KLRG1: variants seen among roughly 807,000 people sequenced by gnomAD.
KLRG1 encodes the protein killer cell lectin like receptor G1.
In KLRG1, 16 loss-of-function variants were observed where a neutral mutation model predicts 21.8. The observed-to-expected ratio is 0.73, with a 90% CI of 0.50 to 1.11. The LOEUF is 1.11. KLRG1 is among the 50% of genes most tolerant of loss of function. KLRG1 has a pLI of 0.00. For missense variants in KLRG1, 173 were observed against 218.3 expected (o/e 0.79, Z 1.31); for synonymous variants, 69 against 75.9 (o/e 0.91, Z 0.47).
the KLRG1 span, chr12:9,167,023 T>C: frequency 6.6e-6 from 1 of 152,226 alleles, no homozygotes; most frequent in Non-Finnish European, 1.5e-5. Flanking sequence ...AACAGTTTTC[T>C]CCACTGAAGA....
chr12:9,003,854 T>G (rs1367196104), intron 3 of KLRG1, among the ~76,000 whole-genome samples: 1 of 142,650 alleles, frequency 7.0e-6, no homozygotes, highest in Non-Finnish European at 1.5e-5. Context: ...CCCTCCCCCC[T>G]TCCCCCACCC....
chr12:9,060,270 C>T, the KLRG1 span, among the ~76,000 whole-genome samples: 1 of 151,582 alleles, frequency 6.6e-6, no homozygotes, highest in Non-Finnish European at 1.5e-5. Context: ...GATCTGCCCA[C>T]CTTGGCCTCC....
chr12:9,031,499 C>T, the KLRG1 span, among the ~76,000 whole-genome samples: 1 of 152,124 alleles, frequency 6.6e-6, no homozygotes, highest in African/African-American at 2.4e-5. Flanking sequence ...TGGTTTCGGG[C>T]AACTCTTTCA....
intron 1 of KLRG1, among the ~76,000 whole-genome samples, chr12:8,959,159 C>G (rs1946343149): frequency 6.6e-6 from 1 of 152,132 alleles, no homozygotes; most frequent in Non-Finnish European, 1.5e-5. Context: ...GGGGCTTGAA[C>G]TTTGCTGAAG....
At chr12:8,995,344 T>G in intron 3 of KLRG1, 56 bp downstream of exon 3, 1 of 1,453,884 alleles carries the variant, frequency 6.9e-7, no homozygotes, top group Non-Finnish European at 9.4e-7. Flanking sequence ...GTTTTTGTTT[T>G]TAAACTGCTA....
chr12:9,038,628 A>G, the KLRG1 span, among the ~76,000 whole-genome samples: 2 of 152,224 alleles, frequency 1.3e-5, no homozygotes, highest in Admixed American at 6.5e-5. Context: ...TCATGGCCAG[A>G]GAACAATAGT....
chr12:9,128,905 G>A, the KLRG1 span, among the ~76,000 whole-genome samples: 1 of 152,138 alleles, frequency 6.6e-6, no homozygotes, highest in Admixed American at 6.5e-5. Context: ...TGTGAAATCT[G>A]TTCTCTTTGC....
At chr12:9,149,567 T>C in the KLRG1 span, 1 of 1,613,114 alleles carries the variant, frequency 6.2e-7, no homozygotes, top group Non-Finnish European at 8.5e-7. Context: ...TTACCTGTGC[T>C]GCAGGGGGCG....
At chr12:9,062,188 CT>C in the KLRG1 span, among the ~76,000 whole-genome samples, 4 of 137,484 alleles carry the variant, frequency 2.9e-5, no homozygotes, top group Admixed American at 3.0e-4. Flanking sequence ...GATAATATAT[CT>C]GATATATTTA....
At chr12:9,031,422 C>A in the KLRG1 span, among the ~76,000 whole-genome samples, 1 of 152,122 alleles carries the variant, frequency 6.6e-6, no homozygotes, top group Non-Finnish European at 1.5e-5. Flanking sequence ...GAGGACTTAC[C>A]CGTTCCACCG....
the KLRG1 span, among the ~76,000 whole-genome samples, chr12:9,160,872 G>A: frequency 2.3e-4 from 35 of 151,210 alleles, no homozygotes; most frequent in Admixed American, 5.9e-4. Flanking sequence ...CCGAGATCAC[G>A]TCACTGTACT....
chr12:9,099,295 C>T, the KLRG1 span: 3 of 1,321,148 alleles, frequency 2.3e-6, no homozygotes, highest in Non-Finnish European at 1.1e-6. Flanking sequence ...CCCTTTTGGC[C>T]CTAATGTTCA....
chr12:9,061,775 C>T, the KLRG1 span, among the ~76,000 whole-genome samples: 18 of 152,104 alleles, frequency 1.2e-4, no homozygotes, highest in Non-Finnish European at 2.1e-4. Flanking sequence ...TTGTCCACAT[C>T]GGTGATGACC....
At chr12:8,999,037 A>T (rs1205792116) in intron 3 of KLRG1, among the ~76,000 whole-genome samples, 1 of 151,312 alleles carries the variant, frequency 6.6e-6, no homozygotes, top group African/African-American at 2.4e-5. Context: ...CTTTCTTATT[A>T]TCTCTTTTTT....
At chr12:9,078,066 T>A in the KLRG1 span, among the ~76,000 whole-genome samples, 59,854 of 151,946 alleles carry the variant, frequency 0.39, 12,854 homozygotes, top group African/African-American at 0.55. Flanking sequence ...CAGGGAGTCT[T>A]AGTATATTTA....
intron 1 of KLRG1, among the ~76,000 whole-genome samples, chr12:8,956,379 C>T (rs574618572): frequency 7.5e-4 from 114 of 152,188 alleles, no homozygotes; most frequent in Non-Finnish European, 1.2e-3. Context: ...TGAGACTCTT[C>T]GGGGTGCAGA....
At chr12:9,067,662 T>C in the KLRG1 span, 1 of 732,438 alleles carries the variant, frequency 1.4e-6, no homozygotes, top group Non-Finnish European at 2.5e-6. Context: ...GGGAATCATA[T>C]GGAAATGTAC....
chr12:9,134,871 CTCTT>C, the KLRG1 span, among the ~76,000 whole-genome samples: 5 of 152,212 alleles, frequency 3.3e-5, no homozygotes, highest in Non-Finnish European at 5.9e-5. Context: ...CATCGCTCCT[CTCTT>C]CCTCTCTTCT....
intron 1 of KLRG1, among the ~76,000 whole-genome samples, chr12:8,954,066 A>G (rs186629516): frequency 6.6e-6 from 1 of 152,188 alleles, no homozygotes; most frequent in Non-Finnish European, 1.5e-5. Context: ...TGACATGTCC[A>G]TATGATTTTT....
Sources: allele counts gnomAD v4.1 joint callset (sites outside exome capture counted in the v4.1 genomes callset), GRCh38; gene constraint gnomAD v4.1.1; transcripts MANE v1.5; gene names NCBI Gene and HGNC (gene_info 2026-07-23, HGNC 2026-07-21).